SLC4A4: variants seen among roughly 807,000 people sequenced by gnomAD.
SLC4A4 encodes the protein electrogenic sodium bicarbonate cotransporter 1.
Under a neutral mutation model 111.5 loss-of-function variants are expected in SLC4A4, and 27 were observed. The observed-to-expected ratio is 0.24, with a 90% confidence interval of 0.18 to 0.33. The LOEUF (loss-of-function observed/expected upper bound fraction) is 0.33. SLC4A4 is among the 10% of genes least tolerant of loss of function. SLC4A4 has a pLI of 1.00. For missense variants in SLC4A4, 909 were observed against 1,315.5 expected, an observed-to-expected ratio of 0.69 and a Z score of 4.78; for synonymous variants, 443 against 463.4, an observed-to-expected ratio of 0.96 and a Z score of 0.57.
chr4:71,506,808 T>C (rs540682155), intron 16 of SLC4A4, among the ~76,000 whole-genome samples: 6 of 151,846 alleles, frequency 4.0e-5, no homozygotes, highest in African/African-American at 1.4e-4. Context: ...TTCTCCAAGG[T>C]TGAAAGAAAA....
intron 6 of SLC4A4, among the ~76,000 whole-genome samples, chr4:71,391,228 A>AT (rs375634252): frequency 6.6e-6 from 1 of 152,024 alleles, no homozygotes; most frequent in East Asian, 1.9e-4. Context: ...TATCTTAGTT[A>AT]TTTTTTGTGC....
intron 7 of SLC4A4, among the ~76,000 whole-genome samples, chr4:71,435,713 G>T (rs1286110979): frequency 6.6e-6 from 1 of 151,852 alleles, no homozygotes. Flanking sequence ...AAATTTACAA[G>T]AAAAAAACAA....
chr4:71,377,837 T>C lies in SLC4A4; in HGVS notation c.731-19740T>C, dbSNP rs565562838. The stretch of plus-strand genomic sequence containing the variant: ...CATAGTGAGTCATGTATTGTATTAG[T>C]CCATTTTCATGGTGCTGATAAAGAC... On this transcript the variant is annotated intron_variant, in intron 6 of 25. Coordinates refer to ENST00000264485, the MANE Select transcript of SLC4A4 (RefSeq NM_001098484.3). 1.4e-4 allele frequency among the ~76,000 whole-genome samples: 21 copies of C among 152,258 alleles called. 1 individual carries two copies. In the South Asian group the frequency reaches 4.4e-3, roughly 32 times the overall value.
rs74786078 is a variant in SLC4A4 at position 71,566,367 on chromosome 4, T to C, written c.3197-637T>C. Among the ~76,000 whole-genome samples, 19 of 151,878 alleles carry C rather than the reference T, an allele frequency of 1.3e-4. No individual in the cohort carries two copies. In the East Asian group the frequency reaches 3.7e-3, roughly 30 times the overall value. ...CATCATAACCTGGTATAGCCCCTTA[T>C]AAAGAAATGTAAAAGCTATTTTTTA... is the stretch of plus-strand genomic sequence containing the variant. On this transcript the variant is annotated intron_variant, in intron 24 of 25. Transcript: ENST00000264485.
chr4:71,284,633 T>A (rs1723769187), intron 3 of SLC4A4, among the ~76,000 whole-genome samples: 1 of 152,264 alleles, frequency 6.6e-6, no homozygotes, highest in Non-Finnish European at 1.5e-5. Flanking sequence ...TAATGTTAGA[T>A]AAAACAGTAT....
chr4:71,151,815 C>T (rs1272320141), intron 2 of SLC4A4, among the ~76,000 whole-genome samples: 1 of 151,188 alleles, frequency 6.6e-6, no homozygotes, highest in East Asian at 1.9e-4. Context: ...AATCCCAGCA[C>T]TTTGGGAAGC....
At chr4:71,336,618 TAA>T (rs1728454072) in intron 3 of SLC4A4, among the ~76,000 whole-genome samples, 1 of 152,232 alleles carries the variant, frequency 6.6e-6, no homozygotes, top group South Asian at 2.1e-4. Flanking sequence ...TCATGCTCTC[TAA>T]ATGTGGATCA....
chr4:71,427,433 T>G (rs1328224894), intron 7 of SLC4A4, among the ~76,000 whole-genome samples: 2 of 152,086 alleles, frequency 1.3e-5, no homozygotes, highest in African/African-American at 4.8e-5. Context: ...GTTTTTTAAA[T>G]GGATTCCATT....
chr4:71,224,515 T>A (rs913686926), intron 1 of SLC4A4, among the ~76,000 whole-genome samples: 2 of 152,212 alleles, frequency 1.3e-5, no homozygotes, highest in African/African-American at 4.8e-5. Context: ...ATTTCAGATA[T>A]GATGGTGATA....
chr4:71,364,042 C>G (rs1242551297), intron 6 of SLC4A4, among the ~76,000 whole-genome samples: 2 of 152,164 alleles, frequency 1.3e-5, no homozygotes, highest in Non-Finnish European at 2.9e-5. Flanking sequence ...ATAAACAACA[C>G]ATTTTTCTCC....
chr4:71,356,492 C>G (rs1730293514), intron 5 of SLC4A4, among the ~76,000 whole-genome samples: 1 of 152,142 alleles, frequency 6.6e-6, no homozygotes, highest in South Asian at 2.1e-4. Flanking sequence ...ATTGGATTAA[C>G]TGGTGTTCAG....
intron 16 of SLC4A4, among the ~76,000 whole-genome samples, chr4:71,514,792 T>C (rs1560577696): frequency 6.6e-6 from 1 of 152,226 alleles, no homozygotes; most frequent in Admixed American, 6.5e-5. Context: ...TTGTTCATAA[T>C]AGTCTCTCAC....
At chr4:71,315,787 A>G (rs924941511) in intron 3 of SLC4A4, among the ~76,000 whole-genome samples, 1 of 152,158 alleles carries the variant, frequency 6.6e-6, no homozygotes, top group Non-Finnish European at 1.5e-5. Flanking sequence ...GTGTTGAAGA[A>G]CACACACATT....
intron 18 of SLC4A4, among the ~76,000 whole-genome samples, chr4:71,543,011 T>TGA (rs1287423818): frequency 6.6e-6 from 1 of 151,984 alleles, no homozygotes; most frequent in African/African-American, 2.4e-5. Context: ...CATGGAACTG[T>TGA]GAGAGAGAGA....
In SLC4A4 at chr4:71,310,341, A is replaced by G. The variant is rs79537079; in HGVS notation, c.254-29029A>G. 2.1e-3 allele frequency among the ~76,000 whole-genome samples: 320 copies of G among 152,216 alleles called. 2 individuals carry two copies. Among genetic ancestry groups the G allele is most frequent in the African/African-American group, 7.2e-3 (300 of 41,554 alleles). ...TTCAGGAAATACAAAGAACACTACTAAGATACTCTTCAAGAAGAGCAACCC... is the reference window on the plus strand; with the variant it reads ...TTCAGGAAATACAAAGAACACTACTGAGATACTCTTCAAGAAGAGCAACCC... On this transcript the variant is annotated intron_variant, in intron 3 of 25. Transcript: ENST00000264485.
intron 1 of SLC4A4, among the ~76,000 whole-genome samples, chr4:71,194,759 G>A (rs551221972): frequency 6.6e-6 from 1 of 152,164 alleles, no homozygotes; most frequent in Admixed American, 6.5e-5. Flanking sequence ...TATTACAGTG[G>A]GTTCTCCAGT....
intron 6 of SLC4A4, among the ~76,000 whole-genome samples, chr4:71,396,557 A>T (rs1395485383): frequency 6.6e-6 from 1 of 152,202 alleles, no homozygotes; most frequent in African/African-American, 2.4e-5. Context: ...CCTGAGTCAG[A>T]TCATTGAGGA....
At chr4:71,236,752 C>A (rs1013380846) in intron 2 of SLC4A4, 103 bp downstream of exon 2, 3 of 976,848 alleles carry the variant, frequency 3.1e-6, no homozygotes, top group Admixed American at 4.0e-5. Context: ...AAATGAAACA[C>A]CAAACCTTTT....
chr4:71,478,864 A>T (rs1405563503), intron 14 of SLC4A4, among the ~76,000 whole-genome samples: 1 of 151,802 alleles, frequency 6.6e-6, no homozygotes, highest in Non-Finnish European at 1.5e-5. Flanking sequence ...TTGAATGAAC[A>T]AAAGTGAGAG....
Sources: gnomAD v4.1 joint callset for allele counts (sites outside exome capture counted in the v4.1 genomes callset) on GRCh38, gnomAD v4.1.1 for gene constraint, MANE v1.5 for transcripts, NCBI Gene and HGNC (gene_info 2026-07-23, HGNC 2026-07-21) for gene names.